DMD: variants seen among roughly 807,000 people sequenced by gnomAD.
The protein encoded by DMD is mutant dystrophin.
DMD carries 63 observed loss-of-function variants against 330.1 expected under a neutral mutation model. The observed-to-expected ratio is 0.19, with a 90% CI of 0.16 to 0.24. DMD has a LOEUF of 0.24. Among genes scored for constraint, DMD ranks in the 10% least tolerant of loss-of-function variants. The pLI is 1.00. For missense variants in DMD, 3,344 were observed against 2,684.1 expected (o/e 1.25, Z -5.43); for synonymous variants, 1,223 against 959.8 (o/e 1.27, Z -5.07).
chrX:33,095,030 A>G (rs766775296), intron 1 of DMD, among the ~76,000 whole-genome samples: 3 of 111,917 alleles, frequency 2.7e-5, no homozygotes, highest in Admixed American at 9.6e-5. Context: ...TTTTAATACA[A>G]AGTAGTATAT....
At chrX:32,613,229 T>C (rs2057308799) in intron 12 of DMD, among the ~76,000 whole-genome samples, 1 of 111,628 alleles carries the variant, frequency 9.0e-6, no homozygotes. Context: ...AGTAGGCTTC[T>C]TTTATTTGTG....
At chrX:32,059,575 A>AT (rs1394013854) in intron 44 of DMD, among the ~76,000 whole-genome samples, 6 of 112,123 alleles carry the variant, frequency 5.4e-5, no homozygotes, top group African/African-American at 1.9e-4. Context: ...ATAGTGTAGC[A>AT]TATCTTTTGG....
chrX:32,718,282 C>G (rs778876492), intron 7 of DMD, among the ~76,000 whole-genome samples: 1 of 111,038 alleles, frequency 9.0e-6, no homozygotes, highest in African/African-American at 3.3e-5. Context: ...AGATTTCCCT[C>G]TTACTGTTCC....
rs1309438682 is a variant in DMD, at chrX:32,309,994, T to G, written c.6117+88A>C. ...TGTGAAAGTCAAAATGCCATCATGATGCATACAATTTAAGTCAATTGTTCT... is the reference window on the plus strand; with the variant it reads ...TGTGAAAGTCAAAATGCCATCATGAGGCATACAATTTAAGTCAATTGTTCT... On this transcript the variant is annotated intron_variant, in intron 42 of 78. Transcript: ENST00000357033. 3.6e-6 allele frequency: 3 copies of G among 825,957 alleles called. No homozygotes were observed. In the East Asian group the frequency reaches 9.6e-5, roughly 26 times the overall value. 68.1% of individuals were successfully genotyped at this position (825,957 alleles called of 1,213,427 possible).
intron 43 of DMD, among the ~76,000 whole-genome samples, chrX:32,230,922 T>A (rs2097166928): frequency 8.9e-6 from 1 of 112,205 alleles, no homozygotes; most frequent in Non-Finnish European, 1.9e-5. Flanking sequence ...TATTAAGTTA[T>A]CAAATACATG....
At chrX:32,590,655 A>G (rs2054805622) in intron 13 of DMD, among the ~76,000 whole-genome samples, 1 of 111,804 alleles carries the variant, frequency 8.9e-6, no homozygotes, top group South Asian at 3.8e-4. Flanking sequence ...GCCCTCGGAC[A>G]TCAGACTCCA....
At chrX:32,537,709 T>A (rs756731095) in intron 17 of DMD, among the ~76,000 whole-genome samples, 1 of 111,847 alleles carries the variant, frequency 8.9e-6, no homozygotes, top group Non-Finnish European at 1.9e-5. Flanking sequence ...GGTCTTCTGA[T>A]TAAAAACTGA....
intron 55 of DMD, among the ~76,000 whole-genome samples, chrX:31,607,405 T>C (rs905672934): frequency 3.6e-5 from 4 of 112,039 alleles, no homozygotes; most frequent in African/African-American, 1.3e-4. Context: ...CAAGAAGCCT[T>C]GCAGAGAGCC....
chrX:31,946,795 G>GTT (rs757728186), intron 45 of DMD, among the ~76,000 whole-genome samples: 4 of 102,481 alleles, frequency 3.9e-5, no homozygotes, highest in Admixed American at 1.1e-4. Context: ...ACTGAAGGGA[G>GTT]TTTTTTTTTT....
At chrX:32,315,514 TA>T (rs200093370) in intron 41 of DMD, among the ~76,000 whole-genome samples, 5,519 of 101,484 alleles carry the variant, frequency 0.054, 352 homozygotes, top group African/African-American at 0.18. Flanking sequence ...TAAGTATAAT[TA>T]AAAAAAAAAA....
chrX:31,679,930 G>C (rs916999775), intron 52 of DMD, among the ~76,000 whole-genome samples: 2 of 112,119 alleles, frequency 1.8e-5, no homozygotes, highest in African/African-American at 6.5e-5. Context: ...CCATCAGCCT[G>C]ATTTCCCAGT....
At chrX:31,186,562 A>G (rs1257382106) in intron 67 of DMD, among the ~76,000 whole-genome samples, 1 of 111,509 alleles carries the variant, frequency 9.0e-6, no homozygotes, top group Admixed American at 9.5e-5. Context: ...TAGGCTTAAT[A>G]CTTGGGTGAC....
chrX:33,053,452 C>T (rs868069169), intron 1 of DMD, among the ~76,000 whole-genome samples: 4 of 109,635 alleles, frequency 3.6e-5, no homozygotes, highest in African/African-American at 1.3e-4. Flanking sequence ...AAAAATTAGC[C>T]GGGCATGGTG....
At chrX:33,190,551 A>G (rs1390672073) in intron 1 of DMD, among the ~76,000 whole-genome samples, 1 of 25,784 alleles carries the variant, frequency 3.9e-5, no homozygotes, top group African/African-American at 7.2e-5. Flanking sequence ...GCAGTGGCGC[A>G]ATCTCGGCTC....
intron 34 of DMD, among the ~76,000 whole-genome samples, chrX:32,373,944 C>T (rs2097890578): frequency 9.0e-6 from 1 of 111,541 alleles, no homozygotes; most frequent in Non-Finnish European, 1.9e-5. Flanking sequence ...TCATGGTCAC[C>T]CTATGAAAGC....
chrX:31,932,431 T>C (rs1383605683), intron 45 of DMD, among the ~76,000 whole-genome samples: 1 of 112,176 alleles, frequency 8.9e-6, no homozygotes, highest in Non-Finnish European at 1.9e-5. Flanking sequence ...GAGATTAAAA[T>C]CGAACAAGAA....
chrX:32,887,745 C>CAAAAAAAAAAAAAA, intron 2 of DMD, among the ~76,000 whole-genome samples: 11 of 6,493 alleles, frequency 1.7e-3, no homozygotes, highest in East Asian at 3.5e-3. Flanking sequence ...AAGACTGTCT[C>CAAAAAAAAAAAAAA]AAAAAAAAAA....
At chrX:32,630,975 C>A (rs66467018) in intron 11 of DMD, among the ~76,000 whole-genome samples, 14,704 of 110,829 alleles carry the variant, frequency 0.13, 865 homozygotes, top group African/African-American at 0.23. Flanking sequence ...CTCAGGAGGG[C>A]TTTCCAGGTA....
chrX:32,217,842 A>G (rs1200429161), intron 43 of DMD, among the ~76,000 whole-genome samples: 1 of 112,024 alleles, frequency 8.9e-6, no homozygotes, highest in African/African-American at 3.2e-5. Context: ...CGTCACTATC[A>G]TTAAAGATTC....
Sources: gnomAD v4.1 joint callset for allele counts (sites outside exome capture counted in the v4.1 genomes callset) on GRCh38, gnomAD v4.1.1 for gene constraint, MANE v1.5 for transcripts, NCBI Gene and HGNC (gene_info 2026-07-23, HGNC 2026-07-21) for gene names.